SH2D3C: variants seen among roughly 807,000 people sequenced by gnomAD.
SH2D3C encodes SH2 domain containing 3C, also known as SH2 domain-containing protein 3C.
A neutral mutation model predicts 75.2 loss-of-function variants in SH2D3C; 25 were observed. That is an observed-to-expected ratio of 0.33 (90% confidence interval 0.24 to 0.46). The LOEUF (loss-of-function observed/expected upper bound fraction) is 0.46. SH2D3C is among the 20% of genes least tolerant of loss of function. SH2D3C has a pLI of 1.00. For synonymous variants in SH2D3C, 450 were observed against 473.7 expected, an observed-to-expected ratio of 0.95 and a Z score of 0.65; for missense variants, 933 against 1,165.3, an observed-to-expected ratio of 0.80 and a Z score of 2.90.
chr9:127,762,538 C>G (rs3962613), intron 2 of SH2D3C: 2 of 418,908 alleles, frequency 4.8e-6, no homozygotes, highest in Non-Finnish European at 9.7e-6. Context: ...GCCAAAAACC[C>G]TGTGGTCCTT....
At chr9:127,765,308 A>G (rs575002388) in intron 2 of SH2D3C, among the ~76,000 whole-genome samples, 1 of 152,196 alleles carries the variant, frequency 6.6e-6, no homozygotes, top group South Asian at 2.1e-4. Flanking sequence ...CATCTGACTT[A>G]GCACGCATTT....
Position 127,749,755 on chromosome 9 carries a change from G to C in SH2D3C, c.685-90C>G. On this transcript the variant is annotated intron_variant, in intron 4 of 11. Transcript: ENST00000314830. The surrounding 1 kb of genome is among the most constrained non-coding windows in gnomAD (Gnocchi z 5.9). ...GGGACAGAGCAACCCAGGATTAGGG[G>C]GCACAGCAAGACCAGACCCAGGGCA... 5.1e-6 allele frequency: 4 copies of C among 781,014 alleles called. No individual in the cohort carries two copies. The South Asian group carries it at 6.5e-5, about 13-fold the overall frequency. The allele number at this position is 781,014 out of a possible 1,614,324, so 48.4% of individuals were successfully genotyped here. A position where few individuals can be genotyped will look rare whatever the true frequency, so the allele number is the denominator to read the frequency against.
chr9:127,763,704 G>A (rs957670384), intron 2 of SH2D3C, among the ~76,000 whole-genome samples: 2 of 152,100 alleles, frequency 1.3e-5, no homozygotes, highest in African/African-American at 4.8e-5. Flanking sequence ...TCAAATACAG[G>A]AGCCTAGTAT....
intron 3 of SH2D3C, chr9:127,755,175 C>T: frequency 8.2e-7 from 1 of 1,214,052 alleles, no homozygotes; most frequent in Non-Finnish European, 1.0e-6. Flanking sequence ...GGCCAGGCTG[C>T]CGGGGCCGGG....
rs528083492 is a variant in SH2D3C at position 127,771,509 on chromosome 9, C to G, written c.515+2481G>C. On this transcript the variant is annotated intron_variant, in intron 2 of 11. Transcript: ENST00000314830. ...AGTCAGTGTCGGGAAGGCCTCGCCC[C>G]CTAGCACACCCCTCCGCCTCGCCCG... The G allele has an allele frequency of 8.5e-4, 466 of 548,020 alleles. 7 individuals are homozygous for G. In the South Asian group the frequency reaches 0.019, roughly 22 times the overall value. 33.9% of individuals were successfully genotyped at this position (548,020 alleles called of 1,614,324 possible).
chr9:127,765,022 T>C (rs1339274905), intron 2 of SH2D3C, among the ~76,000 whole-genome samples: 1 of 152,100 alleles, frequency 6.6e-6, no homozygotes, highest in Non-Finnish European at 1.5e-5. Flanking sequence ...TTCAGTTCTT[T>C]TTTTTTGAGA....
At chr9:127,752,902 C>T (rs1280728691) in intron 3 of SH2D3C, among the ~76,000 whole-genome samples, 1 of 152,066 alleles carries the variant, frequency 6.6e-6, no homozygotes, top group Non-Finnish European at 1.5e-5. Flanking sequence ...AATCACTTCC[C>T]TGAAAAGGTG....
intron 5 of SH2D3C, among the ~76,000 whole-genome samples, chr9:127,747,821 C>T (rs555126084): frequency 1.1e-4 from 16 of 152,182 alleles, no homozygotes; most frequent in African/African-American, 3.1e-4. Flanking sequence ...ATTACAGGCA[C>T]GAGCCACCAC....
At chr9:127,767,986 C>T (rs1053731736) in intron 2 of SH2D3C, among the ~76,000 whole-genome samples, 6 of 152,146 alleles carry the variant, frequency 3.9e-5, no homozygotes, top group Non-Finnish European at 5.9e-5. Context: ...AGCTAGGGGC[C>T]GGGGGAACAG....
At position 127,769,413 on chromosome 9, in the gene SH2D3C, C is replaced by T. The variant is rs1479285885; in HGVS notation, c.515+4577G>A. ...ATCCCAGCATTTTGGGAGGCTGAGG[C>T]GGGCAGATCACCTGAGGTCAGGAGT... On this transcript the variant is annotated intron_variant, in intron 2 of 11. Transcript: ENST00000314830. Among the ~76,000 whole-genome samples the T allele has an allele frequency of 2.6e-5, 4 of 152,036 alleles. 1 individual carries two copies. In the South Asian group the frequency reaches 8.3e-4, roughly 32 times the overall value.
At chr9:127,746,262 A>G (rs1286548821) in intron 6 of SH2D3C, among the ~76,000 whole-genome samples, 1 of 152,206 alleles carries the variant, frequency 6.6e-6, no homozygotes, top group Non-Finnish European at 1.5e-5. Flanking sequence ...ACAGACAGCA[A>G]CACTTCAATG....
chr9:127,755,010 A>C, intron 3 of SH2D3C: 1 of 763,706 alleles, frequency 1.3e-6, no homozygotes, highest in Non-Finnish European at 1.7e-6. Flanking sequence ...GGCTGGCTCT[A>C]GGGCCCCGGG....
intron 1 of SH2D3C, among the ~76,000 whole-genome samples, chr9:127,775,330 C>CA (rs1435237521): frequency 2.0e-5 from 3 of 151,934 alleles, no homozygotes; most frequent in African/African-American, 7.3e-5. Flanking sequence ...CCTGTCTCTA[C>CA]AAAAAATAAA....
At chr9:127,750,140 T>TTTATTA (rs1005620219) in intron 4 of SH2D3C, among the ~76,000 whole-genome samples, 19 of 150,432 alleles carry the variant, frequency 1.3e-4, no homozygotes, top group Admixed American at 1.3e-3. Flanking sequence ...GATGAACTTC[T>TTTATTA]TTATTATTAT....
chr9:127,763,216 C>A (rs1243125436), intron 2 of SH2D3C, among the ~76,000 whole-genome samples: 1 of 152,212 alleles, frequency 6.6e-6, no homozygotes, highest in East Asian at 1.9e-4. Flanking sequence ...CCCTGACCTC[C>A]CCACCTTGAA....
intron 2 of SH2D3C, chr9:127,762,157 C>T (rs1033008559): frequency 6.0e-6 from 7 of 1,170,378 alleles, no homozygotes; most frequent in South Asian, 3.2e-5. Context: ...GACCCAGTCA[C>T]GGCCACTGCC....
At position 127,762,110 on chromosome 9, in the gene SH2D3C, C is replaced by G. The variant is rs769959468; in HGVS notation, c.516-460G>C. The G allele has an allele frequency of 7.6e-6, 7 of 920,946 alleles. No individual in the cohort carries two copies. The African/African-American group carries it at 9.0e-5, about 12-fold the overall frequency. The allele number at this position is 920,946 out of a possible 1,614,324, so 57.0% of individuals were successfully genotyped here. On this transcript the variant is annotated intron_variant, in intron 2 of 11. Coordinates refer to ENST00000314830, the MANE Select transcript of SH2D3C (RefSeq NM_170600.3). ...GGAGGGCCCCAAGTGGGGATCAGCC[C>G]GTCCTCTTACCCTGCACTCACTTCC...
Position 127,754,010 on chromosome 9 carries a change from T to TG in SH2D3C, c.556-2711dup, listed in dbSNP as rs1845279126. Among the ~76,000 whole-genome samples, 1 of 152,132 alleles carries TG rather than the reference T, an allele frequency of 6.6e-6. No homozygotes were observed. Among genetic ancestry groups the TG allele is most frequent in the African/African-American group, 2.4e-5 (1 of 41,432 alleles). On this transcript the variant is annotated intron_variant, in intron 3 of 11. Coordinates refer to ENST00000314830, the MANE Select transcript of SH2D3C (RefSeq NM_170600.3). This position sits in a 1 kb window ranked among gnomAD's most constrained non-coding sequence, Gnocchi z 4.4. ...GCTTAATCACTGGTCACGGAGAGTT[T>TG]GGGGGGACCAACTTGGTCCTCCCAC... is the stretch of plus-strand genomic sequence containing the variant.
rs1247083345 is a variant in SH2D3C, at chr9:127,738,773, T to C, written c.2556A>G (p.Glu852=). 1.9e-6 allele frequency: 3 copies of C among 1,607,642 alleles called. No homozygotes were observed. Among genetic ancestry groups the C allele is most frequent in the Non-Finnish European group, 2.5e-6 (3 of 1,177,126 alleles). ...ACAGCTCGCTGGAGCGGACAGCAGGTTCCAGCTTGTGGGACAGGGCAGTGA... is the reference window on the plus strand; with the variant it reads ...ACAGCTCGCTGGAGCGGACAGCAGGCTCCAGCTTGTGGGACAGGGCAGTGA... ...KVLTALSHKL[E]PAVRSSEL is the part of the protein sequence containing the mutation. The change falls in exon 12 of 12, where the codon GAA becomes GAG. Residue 852 remains glutamate, a synonymous_variant. Coordinates refer to ENST00000314830, the MANE Select transcript of SH2D3C (RefSeq NM_170600.3). The surrounding 1 kb of genome is among the most constrained non-coding windows in gnomAD (Gnocchi z 5.0).
Sources: allele counts gnomAD v4.1 joint callset (sites outside exome capture counted in the v4.1 genomes callset), GRCh38; gene constraint gnomAD v4.1.1; non-coding constraint Gnocchi (gnomAD v3.1); transcripts MANE v1.5; gene names NCBI Gene and HGNC (gene_info 2026-07-23, HGNC 2026-07-21).